Variants in ZDHHC15 observed in about 807,000 individuals in gnomAD.
ZDHHC15 encodes zDHHC palmitoyltransferase 15, also known as palmitoyltransferase ZDHHC15.
Under a neutral mutation model 31.7 loss-of-function variants are expected in ZDHHC15, and 19 were observed. That is an observed-to-expected ratio of 0.60 (90% confidence interval 0.42 to 0.88). ZDHHC15 has a LOEUF of 0.88. ZDHHC15 is among the 40% of genes least tolerant of loss of function. The pLI is 0.00. For synonymous variants in ZDHHC15, 103 were observed against 90.0 expected, an observed-to-expected ratio of 1.14 and a Z score of -0.82; for missense variants, 209 against 251.2, an observed-to-expected ratio of 0.83 and a Z score of 1.14.
chrX:75,403,950 G>A (rs1400184143), intron 10 of ZDHHC15, among the ~76,000 whole-genome samples: 2 of 111,868 alleles, frequency 1.8e-5, no homozygotes, highest in African/African-American at 6.5e-5. Flanking sequence ...CAAAGCTGGA[G>A]GAATCATGTT....
intron 3 of ZDHHC15, among the ~76,000 whole-genome samples, chrX:75,475,614 T>C (rs755106669): frequency 7.1e-5 from 8 of 112,227 alleles, no homozygotes; most frequent in Non-Finnish European, 1.3e-4. Flanking sequence ...TTGTTTTGAT[T>C]ACTGTAGCTT....
intron 4 of ZDHHC15, among the ~76,000 whole-genome samples, chrX:75,437,918 A>T (rs1158905110): frequency 3.6e-5 from 4 of 110,784 alleles, no homozygotes; most frequent in East Asian, 5.7e-4. Context: ...CAAAGAACTC[A>T]AACAAATTTA....
intron 10 of ZDHHC15, among the ~76,000 whole-genome samples, chrX:75,408,055 C>T (rs1188472906): frequency 9.1e-6 from 1 of 109,895 alleles, no homozygotes; most frequent in African/African-American, 3.3e-5. Flanking sequence ...CTCAAGTACC[C>T]AGGGACACAA....
At chrX:75,458,043 A>T (rs1245994169) in intron 3 of ZDHHC15, among the ~76,000 whole-genome samples, 1 of 111,655 alleles carries the variant, frequency 9.0e-6, no homozygotes, top group Non-Finnish European at 1.9e-5. Flanking sequence ...TGTTCATTGG[A>T]GCTTTATTCA....
intron 10 of ZDHHC15, among the ~76,000 whole-genome samples, chrX:75,409,875 T>G (rs908583619): frequency 8.5e-5 from 9 of 106,145 alleles, no homozygotes; most frequent in Non-Finnish European, 1.4e-4. Flanking sequence ...GTGCATGGTG[T>G]TGGGATAAAA....
Position 75,522,937 on chromosome X carries a change from G to C in ZDHHC15, c.88C>G (p.Leu30Val). Residue 30 changes from leucine (L) to valine (V), a missense_variant, in exon 1 of 12, where the codon CTC (leucine) becomes GTC (valine). By Grantham distance (32) the Leu-to-Val change is conservative (BLOSUM62 1). Transcript: ENST00000373367. ...GCATAGTAGGACCAGAGCACGACGA[G>C]GACAATAACGAGCACTGGCACCCAG... Reference protein sequence around the residue: ...LSWVPVLVIVLVVLWSYYAYV... With the variant: ...LSWVPVLVIVVVVLWSYYAYV... 1 of 1,211,807 alleles carries C rather than the reference G, an allele frequency of 8.3e-7. No individual in the cohort carries two copies. Among genetic ancestry groups the C allele is most frequent in the African/African-American group, 1.7e-5 (1 of 57,826 alleles).
intron 10 of ZDHHC15, among the ~76,000 whole-genome samples, chrX:75,390,077 T>C (rs2083224881): frequency 9.0e-6 from 1 of 111,029 alleles, no homozygotes. Flanking sequence ...AGCCAGGCAG[T>C]AGGTGCTGTG....
intron 3 of ZDHHC15, among the ~76,000 whole-genome samples, chrX:75,462,984 G>T (rs1024343717): frequency 1.8e-5 from 2 of 109,942 alleles, no homozygotes; most frequent in Admixed American, 9.7e-5. Flanking sequence ...CAAATCCAGG[G>T]TTTTTTAAAT....
intron 5 of ZDHHC15, among the ~76,000 whole-genome samples, chrX:75,431,181 A>AT (rs1439026246): frequency 8.9e-6 from 1 of 112,463 alleles, no homozygotes; most frequent in African/African-American, 3.2e-5. Context: ...GGTGTGAGAC[A>AT]TACAAGAACT....
intron 3 of ZDHHC15, among the ~76,000 whole-genome samples, chrX:75,460,320 G>T (rs1430724134): frequency 9.0e-6 from 1 of 111,052 alleles, no homozygotes; most frequent in Non-Finnish European, 1.9e-5. Context: ...AGGGGTGGCT[G>T]TTATCTCTGT....
At chrX:75,510,533 C>CTTTTTTTTTTT (rs376283663) in intron 1 of ZDHHC15, among the ~76,000 whole-genome samples, 1 of 69,322 alleles carries the variant, frequency 1.4e-5, no homozygotes, top group African/African-American at 5.7e-5. Flanking sequence ...CGGAAAATTT[C>CTTTTTTTTTTT]TTTTTTTTTT....
At chrX:75,467,000 T>G (rs878993609) in intron 3 of ZDHHC15, among the ~76,000 whole-genome samples, 1 of 111,639 alleles carries the variant, frequency 9.0e-6, no homozygotes, top group Admixed American at 9.6e-5. Flanking sequence ...AACATTTACC[T>G]GTATAACAAA....
intron 10 of ZDHHC15, among the ~76,000 whole-genome samples, chrX:75,395,800 C>T (rs1359574470): frequency 9.0e-6 from 1 of 111,531 alleles, no homozygotes; most frequent in Non-Finnish European, 1.9e-5. Context: ...CAGAATGGAA[C>T]TAGCATAAAA....
At chrX:75,426,182 TTTTTGC>T (rs1486245442) in intron 7 of ZDHHC15, among the ~76,000 whole-genome samples, 1 of 112,564 alleles carries the variant, frequency 8.9e-6, no homozygotes, top group African/African-American at 3.2e-5. Context: ...CTTGACTGTG[TTTTTGC>T]TTTCACAATC....
At chrX:75,420,345 A>G (rs1235793514) in intron 9 of ZDHHC15, among the ~76,000 whole-genome samples, 1 of 111,788 alleles carries the variant, frequency 8.9e-6, no homozygotes, top group Admixed American at 9.5e-5. Flanking sequence ...GAACGCTTTT[A>G]TACTGTTGGT....
At chrX:75,452,721 G>T (rs754639539) in intron 3 of ZDHHC15, among the ~76,000 whole-genome samples, 3 of 112,038 alleles carry the variant, frequency 2.7e-5, no homozygotes, top group East Asian at 5.6e-4. Flanking sequence ...TAGAACTCAG[G>T]ATTAAGAAAC....
chrX:75,415,727 C>G (rs2083541983), intron 10 of ZDHHC15, among the ~76,000 whole-genome samples: 2 of 112,425 alleles, frequency 1.8e-5, no homozygotes, highest in South Asian at 3.7e-4. Flanking sequence ...ACTTTGTAAA[C>G]TATAAAATAA....
chrX:75,450,734 C>A (rs1225152324), intron 4 of ZDHHC15, 68 bp downstream of exon 4: 1 of 1,208,410 alleles, frequency 8.3e-7, no homozygotes, highest in East Asian at 3.0e-5. Flanking sequence ...AGTTTGAGAA[C>A]ATATATGACT....
chrX:75,492,048 T>C (rs1261411884), intron 2 of ZDHHC15, among the ~76,000 whole-genome samples: 1 of 111,045 alleles, frequency 9.0e-6, no homozygotes, highest in Non-Finnish European at 1.9e-5. Flanking sequence ...AGGAAACCCA[T>C]GTCATGTGCA....
Sources: allele counts gnomAD v4.1 joint callset (sites outside exome capture counted in the v4.1 genomes callset), GRCh38; gene constraint gnomAD v4.1.1; transcripts MANE v1.5; gene names NCBI Gene and HGNC (gene_info 2026-07-23, HGNC 2026-07-21).